The following ME3 variants were observed in gnomAD, a reference collection of about 807,000 sequenced individuals.
ME3 encodes the protein malic enzyme 3.
ME3 carries 48 observed loss-of-function variants against 68.9 expected under a neutral mutation model. The ratio of observed to expected loss-of-function variants is 0.70; its 90% CI spans 0.55 to 0.89. ME3 has a LOEUF of 0.89. ME3 is among the 40% of genes least tolerant of loss of function. The probability of loss-of-function intolerance (pLI) is 0.00; values close to 1 mark genes in which losing one functional copy is unlikely to be tolerated. For missense variants in ME3, 675 were observed against 797.4 expected (o/e 0.85, Z 1.85); for synonymous variants, 320 against 318.8 (o/e 1.00, Z -0.04).
chr11:86,484,165 A>T (rs1951565902), intron 7 of ME3, among the ~76,000 whole-genome samples: 1 of 152,204 alleles, frequency 6.6e-6, no homozygotes, highest in Admixed American at 6.5e-5. Context: ...AAAAATCTTA[A>T]CATACATCCC....
At chr11:86,622,052 G>A (rs928171223) in intron 2 of ME3, among the ~76,000 whole-genome samples, 2 of 151,954 alleles carry the variant, frequency 1.3e-5, no homozygotes, top group African/African-American at 2.4e-5. Flanking sequence ...AGGCCTCAGC[G>A]AGGAGTGTCA....
chr11:86,501,987 A>G (rs542511805), intron 5 of ME3, among the ~76,000 whole-genome samples: 1 of 152,238 alleles, frequency 6.6e-6, no homozygotes, highest in African/African-American at 2.4e-5. Context: ...CAAATCTCTA[A>G]TGGTCCCTGA....
At chr11:86,531,182 G>T (rs1955200540) in intron 4 of ME3, among the ~76,000 whole-genome samples, 1 of 152,244 alleles carries the variant, frequency 6.6e-6, no homozygotes, top group African/African-American at 2.4e-5. Flanking sequence ...TCAACAAGTG[G>T]GTGAAGGATA....
At chr11:86,549,007 C>G (rs953896137) in intron 4 of ME3, among the ~76,000 whole-genome samples, 5 of 152,226 alleles carry the variant, frequency 3.3e-5, no homozygotes, top group African/African-American at 9.6e-5. Flanking sequence ...TTCGTTGATA[C>G]GTAAATTCTC....
At chr11:86,581,717 C>T (rs1958451528) in intron 2 of ME3, among the ~76,000 whole-genome samples, 1 of 152,274 alleles carries the variant, frequency 6.6e-6, no homozygotes, top group South Asian at 2.1e-4. Context: ...CCAAGCTCAT[C>T]TTCCTGCATT....
chr11:86,532,284 C>T (rs1228078313), intron 4 of ME3, among the ~76,000 whole-genome samples: 4 of 152,102 alleles, frequency 2.6e-5, no homozygotes, highest in East Asian at 3.9e-4. Context: ...TAGCAGAAGA[C>T]CTCAATCTCC....
chr11:86,590,604 T>G (rs1958999757), intron 2 of ME3, among the ~76,000 whole-genome samples: 2 of 152,098 alleles, frequency 1.3e-5, no homozygotes, highest in South Asian at 4.1e-4. Context: ...GAGATTTGGG[T>G]GCTGTGCCAC....
chr11:86,481,308 C>T (rs1951394414), intron 7 of ME3, among the ~76,000 whole-genome samples: 1 of 151,368 alleles, frequency 6.6e-6, no homozygotes, highest in South Asian at 2.1e-4. Context: ...CTACCTTGGC[C>T]TCCGAAAATG....
At chr11:86,442,265 C>T (rs1949040094) in intron 14 of ME3, among the ~76,000 whole-genome samples, 1 of 152,146 alleles carries the variant, frequency 6.6e-6, no homozygotes, top group Non-Finnish European at 1.5e-5. Context: ...CCATAGCCAG[C>T]CATTCTGAGA....
At chr11:86,556,000 A>G (rs2139440151) in intron 4 of ME3, among the ~76,000 whole-genome samples, 1 of 152,100 alleles carries the variant, frequency 6.6e-6, no homozygotes, top group East Asian at 1.9e-4. Context: ...AGTCATTTTG[A>G]AAAAAAACCT....
chr11:86,453,329 A>T (rs1364852750), intron 8 of ME3, among the ~76,000 whole-genome samples: 1 of 152,218 alleles, frequency 6.6e-6, no homozygotes, highest in Admixed American at 6.5e-5. Context: ...GGAAGTACAC[A>T]TGTGCCAGAC....
intron 3 of ME3, among the ~76,000 whole-genome samples, chr11:86,558,050 G>T (rs546806429): frequency 5.3e-5 from 8 of 152,110 alleles, no homozygotes; most frequent in Non-Finnish European, 7.4e-5. Flanking sequence ...GCAGCATCAG[G>T]GGCAAGCCCT....
At chr11:86,447,201 G>C (rs372440869) in exon 12 of ME3, 1 of 1,613,842 alleles carries the variant, frequency 6.2e-7, no homozygotes, top group Non-Finnish European at 8.5e-7. Context: ...TGCGATGGCA[G>C]CAACACCTAC....
At chr11:86,521,431 A>AAAATAATAAT (rs1271326906) in intron 4 of ME3, among the ~76,000 whole-genome samples, 66 of 145,988 alleles carry the variant, frequency 4.5e-4, no homozygotes, top group Admixed American at 1.8e-3. Flanking sequence ...AACAAAACAA[A>AAAATAATAAT]AATAATAATA....
intron 2 of ME3, among the ~76,000 whole-genome samples, chr11:86,653,408 G>A (rs530655141): frequency 5.7e-4 from 87 of 152,332 alleles, no homozygotes; most frequent in African/African-American, 2.1e-3. Flanking sequence ...TCAGACCACA[G>A]TGCAATCAAA....
At chr11:86,649,143 AT>A (rs1249737226) in intron 2 of ME3, among the ~76,000 whole-genome samples, 1 of 152,242 alleles carries the variant, frequency 6.6e-6, no homozygotes, top group Non-Finnish European at 1.5e-5. Context: ...CATCCCTGGG[AT>A]GCAAGGCTGG....
chr11:86,492,509 T>G lies in ME3; in HGVS notation c.706-5069A>C, dbSNP rs143087418. Among the ~76,000 whole-genome samples, 354 of 152,368 alleles carry G rather than the reference T, an allele frequency of 2.3e-3. 1 individual carries two copies. The highest frequency in any genetic ancestry group is 8.3e-3 in the African/African-American group (345 of 41,600). On this transcript the variant is annotated intron_variant, in intron 6 of 14. Coordinates refer to ENST00000543262, the Ensembl canonical transcript of ME3. ...CTTCCCAGGGTGGGGACCAGGCTTATTCACTTCCATACTTTAGTGTTCAGT... is the reference window on the plus strand; with the variant it reads ...CTTCCCAGGGTGGGGACCAGGCTTAGTCACTTCCATACTTTAGTGTTCAGT...
intron 2 of ME3, among the ~76,000 whole-genome samples, chr11:86,643,927 G>A (rs984582500): frequency 6.6e-6 from 1 of 152,180 alleles, no homozygotes. Context: ...CCTGTATAAC[G>A]AAGGTAATAA....
At chr11:86,500,524 A>G (rs769554649) in intron 5 of ME3, among the ~76,000 whole-genome samples, 2 of 152,140 alleles carry the variant, frequency 1.3e-5, no homozygotes, top group African/African-American at 4.8e-5. Flanking sequence ...CTGCCAACCA[A>G]TGTCAGATTC....
Sources: gnomAD v4.1 joint callset for allele counts (sites outside exome capture counted in the v4.1 genomes callset) on GRCh38, gnomAD v4.1.1 for gene constraint, MANE v1.5 for transcripts, NCBI Gene and HGNC (gene_info 2026-07-23, HGNC 2026-07-21) for gene names.